NCKAP5: variants seen among roughly 807,000 people sequenced by gnomAD.
NCKAP5 encodes nck-associated protein 5.
NCKAP5 carries 92 observed loss-of-function variants against 167.0 expected under a neutral mutation model. The observed-to-expected ratio is 0.55, with a 90% CI of 0.47 to 0.66. The LOEUF (loss-of-function observed/expected upper bound fraction) is 0.66. NCKAP5 is among the 30% of genes least tolerant of loss of function. NCKAP5 has a pLI of 0.00. For missense variants in NCKAP5, 2,378 were observed against 2,315.0 expected (o/e 1.03, Z -0.56); for synonymous variants, 891 against 877.4 (o/e 1.02, Z -0.27).
intron 2 of NCKAP5, among the ~76,000 whole-genome samples, chr2:133,529,960 CTT>C (rs1430564103): frequency 1.3e-5 from 2 of 152,130 alleles, no homozygotes; most frequent in Non-Finnish European, 1.5e-5. Context: ...CAGTCTACCT[CTT>C]GTCTCTTCAC....
Position 132,920,138 on chromosome 2 carries a change from A to ATT in NCKAP5, c.580-41224_580-41223dup, listed in dbSNP as rs11461871. Among the ~76,000 whole-genome samples, 157 of 151,484 alleles carry ATT rather than the reference A, an allele frequency of 1.0e-3. 1 individual carries two copies. Among genetic ancestry groups the ATT allele is most frequent in the African/African-American group, 2.9e-3 (121 of 41,280 alleles). ...CCCCTTGCCATCTGGCCTTTTCATGATTTTTTTTCTTTTAAATTAAGTTCC... is the reference window on the plus strand; with the variant it reads ...CCCCTTGCCATCTGGCCTTTTCATGATTTTTTTTTTCTTTTAAATTAAGTTCC... On this transcript the variant is annotated intron_variant, in intron 8 of 19. Coordinates refer to ENST00000409261, the MANE Select transcript of NCKAP5 (RefSeq NM_207363.3).
chr2:133,093,167 G>T (rs2081244340), intron 6 of NCKAP5, among the ~76,000 whole-genome samples: 2 of 152,196 alleles, frequency 1.3e-5, no homozygotes, highest in African/African-American at 2.4e-5. Context: ...TGTTACTATT[G>T]CTAGTAGTGG....
intron 11 of NCKAP5, among the ~76,000 whole-genome samples, chr2:132,818,245 T>G (rs1325586835): frequency 6.6e-6 from 1 of 152,242 alleles, no homozygotes; most frequent in East Asian, 1.9e-4. Context: ...ATTACCGGTG[T>G]GACACCATAC....
At chr2:132,981,702 G>A (rs970332036) in intron 7 of NCKAP5, among the ~76,000 whole-genome samples, 3 of 152,036 alleles carry the variant, frequency 2.0e-5, no homozygotes, top group Admixed American at 6.6e-5. Context: ...CTTCCCCTTC[G>A]AATACTATGT....
chr2:132,964,083 A>G (rs1320212198), intron 7 of NCKAP5, among the ~76,000 whole-genome samples: 1 of 152,212 alleles, frequency 6.6e-6, no homozygotes, highest in Admixed American at 6.5e-5. Context: ...CCATCTCTCA[A>G]TGCAGTTGTC....
At chr2:132,881,554 C>CTTTT (rs35545031) in intron 8 of NCKAP5, among the ~76,000 whole-genome samples, 1 of 126,388 alleles carries the variant, frequency 7.9e-6, no homozygotes, top group Non-Finnish European at 1.6e-5. Flanking sequence ...CCTTACCTTT[C>CTTTT]TTTTTTTTTT....
chr2:133,020,686 T>C (rs2078495083), intron 6 of NCKAP5, among the ~76,000 whole-genome samples: 1 of 152,192 alleles, frequency 6.6e-6, no homozygotes, highest in Admixed American at 6.5e-5. Flanking sequence ...ATAGAACTTG[T>C]TCAAAATAAA....
intron 4 of NCKAP5, among the ~76,000 whole-genome samples, chr2:133,235,897 T>C (rs2087387301): frequency 7.0e-6 from 1 of 143,878 alleles, no homozygotes; most frequent in East Asian, 2.1e-4. Flanking sequence ...AAAGTGAAAC[T>C]CTATCTCAAA....
chr2:133,263,492 A>C (rs1459835816), intron 4 of NCKAP5, among the ~76,000 whole-genome samples: 2 of 151,828 alleles, frequency 1.3e-5, no homozygotes, highest in South Asian at 2.1e-4. Flanking sequence ...TGCTTGTAAA[A>C]CTTCTTTGAA....
intron 3 of NCKAP5, among the ~76,000 whole-genome samples, chr2:133,388,985 A>G (rs62177669): frequency 0.3 from 45,573 of 152,116 alleles, 7,503 homozygotes; most frequent in African/African-American, 0.44. Context: ...TGCGCTTCCC[A>G]GGTGAGGTGA....
intron 19 of NCKAP5, among the ~76,000 whole-genome samples, chr2:132,718,568 TAA>T (rs1407017323): frequency 6.6e-6 from 1 of 152,208 alleles, no homozygotes; most frequent in East Asian, 1.9e-4. Flanking sequence ...AAGAGTAAAC[TAA>T]AAGTCTATAT....
chr2:133,480,116 G>C (rs1349388740), intron 3 of NCKAP5, among the ~76,000 whole-genome samples: 1 of 151,938 alleles, frequency 6.6e-6, no homozygotes, highest in African/African-American at 2.4e-5. Context: ...ATTTTTAGTA[G>C]AGATGGGGTT....
chr2:132,894,723 C>T (rs1242256386), intron 8 of NCKAP5, among the ~76,000 whole-genome samples: 1 of 152,086 alleles, frequency 6.6e-6, no homozygotes, highest in African/African-American at 2.4e-5. Flanking sequence ...TCTGGCCTTC[C>T]CACTCAGGAC....
intron 2 of NCKAP5, among the ~76,000 whole-genome samples, chr2:133,538,072 G>C (rs1212533106): frequency 1.3e-5 from 2 of 152,004 alleles, no homozygotes; most frequent in African/African-American, 4.8e-5. Context: ...TCCATTAAAG[G>C]AATAATTTCC....
At chr2:133,248,067 T>A (rs1424239627) in intron 4 of NCKAP5, among the ~76,000 whole-genome samples, 3 of 152,232 alleles carry the variant, frequency 2.0e-5, no homozygotes, top group Non-Finnish European at 4.4e-5. Flanking sequence ...CTGTTTGTTA[T>A]TACTTAGGAA....
At chr2:133,116,022 A>C (rs545652625) in intron 6 of NCKAP5, among the ~76,000 whole-genome samples, 1 of 151,858 alleles carries the variant, frequency 6.6e-6, no homozygotes, top group South Asian at 2.1e-4. Context: ...TAAATCTACC[A>C]TTCACTTCAA....
At chr2:133,023,856 G>C (rs2078611306) in intron 6 of NCKAP5, among the ~76,000 whole-genome samples, 1 of 152,088 alleles carries the variant, frequency 6.6e-6, no homozygotes, top group Non-Finnish European at 1.5e-5. Context: ...CCATTGATGG[G>C]TAGCTACGTT....
At chr2:132,804,844 G>A (rs976102310) in intron 11 of NCKAP5, among the ~76,000 whole-genome samples, 13 of 152,002 alleles carry the variant, frequency 8.6e-5, no homozygotes, top group African/African-American at 3.1e-4. Context: ...ATTTCAGGAA[G>A]CAGGAGAGCC....
intron 6 of NCKAP5, among the ~76,000 whole-genome samples, chr2:133,064,624 G>A (rs917843190): frequency 3.9e-5 from 6 of 152,160 alleles, no homozygotes; most frequent in African/African-American, 1.4e-4. Flanking sequence ...TGGTAAATAA[G>A]AAAGTTTTAA....
Sources: gnomAD v4.1 joint callset for allele counts (sites outside exome capture counted in the v4.1 genomes callset) on GRCh38, gnomAD v4.1.1 for gene constraint, MANE v1.5 for transcripts, NCBI Gene and HGNC (gene_info 2026-07-23, HGNC 2026-07-21) for gene names.